The following SYNE2 variants were observed in gnomAD, a reference collection of about 807,000 sequenced individuals.
The protein encoded by SYNE2 is spectrin repeat containing nuclear envelope protein 2, also known as nesprin-2.
Under a neutral mutation model 856.3 loss-of-function variants are expected in SYNE2, and 431 were observed. That is an observed-to-expected ratio of 0.50 (90% confidence interval 0.47 to 0.55). SYNE2 has a LOEUF of 0.55. SYNE2 is among the 20% of genes least tolerant of loss of function. The probability of loss-of-function intolerance (pLI) is 0.00; values close to 1 mark genes in which losing one functional copy is unlikely to be tolerated. For synonymous variants in SYNE2, 2,923 were observed against 2,872.3 expected, an observed-to-expected ratio of 1.02 and a Z score of -0.56; for missense variants, 8,129 against 8,023.2, an observed-to-expected ratio of 1.01 and a Z score of -0.50.
rs1168845485 is a variant in SYNE2, at chr14:64,002,809, T to G, written c.3876T>G (p.Phe1292Leu). The change falls in exon 30 of 116, where the codon TTT (phenylalanine) becomes TTG (leucine). Residue 1292 changes from phenylalanine (F) to leucine (L), a missense_variant. Phe to Leu is a conservative substitution (Grantham distance 22, BLOSUM62 0). Coordinates refer to ENST00000555002, the MANE Select transcript of SYNE2 (RefSeq NM_182914.3). The part of the protein sequence containing the change: ...GNFVLKELHP[F>L]DLHAMQNIIL... ...TTGTATTAAAGGAGTTACACCCATT[T>G]GATCTACACGCAATGCAGAATATTA... The G allele has an allele frequency of 6.3e-7, 1 of 1,599,166 alleles. No homozygotes were observed. Among genetic ancestry groups the G allele is most frequent in the East Asian group, 2.3e-5 (1 of 44,226 alleles).
chr14:63,890,333 G>C (rs1025326306), intron 1 of SYNE2, among the ~76,000 whole-genome samples: 1 of 152,140 alleles, frequency 6.6e-6, no homozygotes. Flanking sequence ...AAAGTGCTGG[G>C]ATTACAGGTG....
In SYNE2 at chr14:63,929,365, CAAAT is replaced by C. The variant is rs573896039; in HGVS notation, c.80-11246_80-11243del. Among the ~76,000 whole-genome samples the C allele has an allele frequency of 1.1e-4, 17 of 152,208 alleles. No individual in the cohort carries two copies. The South Asian group carries it at 1.9e-3, about 17-fold the overall frequency. The stretch of plus-strand genomic sequence containing the variant: ...GGAAAGCCATACAATATACCAATAA[CAAAT>C]AAGTAATATAGTATCATTTACACAT... On this transcript the variant is annotated intron_variant, in intron 2 of 115. Coordinates refer to ENST00000555002, the MANE Select transcript of SYNE2 (RefSeq NM_182914.3).
chr14:63,763,418 A>T (rs1312466824), intron 1 of SYNE2, among the ~76,000 whole-genome samples: 1 of 151,844 alleles, frequency 6.6e-6, no homozygotes, highest in Non-Finnish European at 1.5e-5. Context: ...TTTTCAAGAG[A>T]CAGAGTCTCT....
At chr14:63,984,198 C>T (rs979937553) in intron 18 of SYNE2, among the ~76,000 whole-genome samples, 3 of 152,076 alleles carry the variant, frequency 2.0e-5, no homozygotes, top group South Asian at 2.1e-4. Flanking sequence ...GAGGCGAGAT[C>T]GTGCCACTGC....
chr14:64,024,343 A>C lies in SYNE2; in HGVS notation c.5724A>C (p.Ala1908=). The C allele has an allele frequency of 6.2e-7, 1 of 1,614,164 alleles. No individual in the cohort carries two copies. Among genetic ancestry groups the C allele is most frequent in the Non-Finnish European group, 8.5e-7 (1 of 1,179,986 alleles). ...ATGTGAAGAAGCATCTGCCCAAAGC[A>C]CATGTGAAGGAGCTTATCAGTTGGC... The part of the protein sequence containing the change: ...LKHVKKHLPK[A]HVKELISWLV... Residue 1908 remains alanine (A), a synonymous_variant, in exon 39 of 116, where the codon GCA becomes GCC. Transcript: ENST00000555002.
chr14:64,128,634 T>C (rs1264754780), intron 74 of SYNE2, 81 bp downstream of exon 74: 12 of 863,158 alleles, frequency 1.4e-5, no homozygotes, highest in Non-Finnish European at 2.0e-5. Flanking sequence ...TGAACTACTT[T>C]CCTTTGTGAG....
In SYNE2 at chr14:63,980,882, G is replaced by A. The variant is rs1481234371; in HGVS notation, c.1649-104G>A. 5 of 1,050,306 alleles carry A rather than the reference G, an allele frequency of 4.8e-6. No individual in the cohort carries two copies. In the South Asian group the frequency reaches 7.3e-5, roughly 15 times the overall value. 65.1% of individuals were successfully genotyped at this position (1,050,306 alleles called of 1,614,324 possible). On this transcript the variant is annotated intron_variant, in intron 15 of 115. Transcript: ENST00000555002. ...TGCTTTCACTTTTAATATTGTCAGA[G>A]TACATATTATTTTGCCGCTGTCAAT...
intron 6 of SYNE2, among the ~76,000 whole-genome samples, chr14:63,946,511 ATG>A (rs200505681): frequency 0.025 from 1,957 of 77,782 alleles, 46 homozygotes; most frequent in African/African-American, 0.071. Context: ...GATCATATAT[ATG>A]TATATATATG....
intron 18 of SYNE2, among the ~76,000 whole-genome samples, chr14:63,984,174 TGGAAGTTGAAAGTG>T (rs1296743400): frequency 2.0e-5 from 3 of 151,974 alleles, no homozygotes; most frequent in Admixed American, 6.6e-5. Context: ...GCCTGGGAGC[TGGAAGTTGAAAGTG>T]AGGCGAGATC....
At position 64,048,078 on chromosome 14, in the gene SYNE2, C is replaced by T. The variant is rs570233690; in HGVS notation, c.7300C>T (p.Arg2434Trp). The change falls in exon 46 of 116, where the codon CGG becomes TGG. Residue 2434 changes from arginine to tryptophan, a missense_variant. Physicochemically the swap from Arg to Trp is moderately radical, Grantham distance 101. Around this residue, in one of 3 missense-constraint regions of SYNE2, gnomAD observed 5,410 missense variants for 5,284.8 expected, o/e 1.02. Coordinates refer to ENST00000555002, the MANE Select transcript of SYNE2 (RefSeq NM_182914.3). ...QESMKNTEDE[R>W]KVNELQNQPL... is the part of the protein sequence containing the mutation. ...AAGCATGAAAAACACTGAAGATGAG[C>T]GGAAAGTCAATGAGCTGCAAAATCA... 28 of 1,613,336 alleles carry T rather than the reference C, an allele frequency of 1.7e-5. No individual in the cohort carries two copies. The highest frequency in any genetic ancestry group is 1.7e-4 in the Middle Eastern group (1 of 6,050).
intron 44 of SYNE2, 52 bp from the exon 45 acceptor site, chr14:64,030,964 T>TA: frequency 1.5e-6 from 2 of 1,374,992 alleles, no homozygotes; most frequent in Non-Finnish European, 1.0e-6. Context: ...AAAAGTCAAT[T>TA]AACTTTTGTG....
rs750814832 is a variant in SYNE2, at chr14:64,225,065, A to C, written c.20516+20A>C. On this transcript the variant is annotated intron_variant, in intron 115 of 115. Coordinates refer to ENST00000555002, the MANE Select transcript of SYNE2 (RefSeq NM_182914.3). ...GAGCAGGTAACGGGGCTTTACCGTG[A>C]CAGCAGTGCGTTCCCCTGCTCCACA... 1.9e-6 allele frequency: 3 copies of C among 1,613,414 alleles called. No individual in the cohort carries two copies. Among genetic ancestry groups the C allele is most frequent in the South Asian group, 1.1e-5 (1 of 91,018 alleles).
At chr14:64,182,882 T>G (rs571780451) in intron 96 of SYNE2, among the ~76,000 whole-genome samples, 23 of 152,378 alleles carry the variant, frequency 1.5e-4, no homozygotes, top group Non-Finnish European at 2.4e-4. Context: ...CATGGCCCGT[T>G]CTTAATGAGC....
chr14:63,804,339 C>A (rs149805265), intron 1 of SYNE2, among the ~76,000 whole-genome samples: 7 of 151,698 alleles, frequency 4.6e-5, no homozygotes, highest in African/African-American at 1.5e-4. Flanking sequence ...TTGATAGTTT[C>A]TTTTGCTGTG....
At chr14:63,973,122 G>A (rs982463473) in intron 11 of SYNE2, among the ~76,000 whole-genome samples, 1 of 151,996 alleles carries the variant, frequency 6.6e-6, no homozygotes, top group Non-Finnish European at 1.5e-5. Flanking sequence ...CAAGCATGGT[G>A]GCACACACCT....
chr14:64,040,611 TATATGTATATAC>T (rs1381590103), intron 45 of SYNE2, among the ~76,000 whole-genome samples: 1 of 147,150 alleles, frequency 6.8e-6, no homozygotes, highest in Non-Finnish European at 1.5e-5. Flanking sequence ...TATATATATA[TATATGTATATAC>T]ATATATATGT....
chr14:63,808,322 C>G (rs1208942928), intron 1 of SYNE2, among the ~76,000 whole-genome samples: 5 of 151,910 alleles, frequency 3.3e-5, no homozygotes, highest in Admixed American at 2.0e-4. Flanking sequence ...AACCCTGTCT[C>G]TACTAAAAAT....
intron 13 of SYNE2, 64 bp from the exon 14 acceptor site, chr14:63,978,788 A>G: frequency 7.1e-7 from 1 of 1,401,724 alleles, no homozygotes. Flanking sequence ...TAAAATGCTG[A>G]ACAGATTTCT....
intron 108 of SYNE2, among the ~76,000 whole-genome samples, chr14:64,217,988 C>T (rs1347693994): frequency 6.6e-6 from 1 of 152,204 alleles, no homozygotes; most frequent in African/African-American, 2.4e-5. Context: ...TGCCAACCAC[C>T]TCTACAGAGT....
Sources: gnomAD v4.1 joint callset for allele counts (sites outside exome capture counted in the v4.1 genomes callset) on GRCh38, gnomAD v4.1.1 for gene constraint, gnomAD v4.1.1 regional missense constraint, MANE v1.5 for transcripts, NCBI Gene and HGNC (gene_info 2026-07-23, HGNC 2026-07-21) for gene names.